The following CAST variants were observed in gnomAD, a reference collection of about 807,000 sequenced individuals.
CAST encodes the protein MIR583 host.
Under a neutral mutation model 119.6 loss-of-function variants are expected in CAST, and 76 were observed. The ratio of observed to expected loss-of-function variants is 0.64; its 90% CI spans 0.53 to 0.77. CAST has a LOEUF of 0.77. Among genes scored for constraint, CAST ranks in the 30% least tolerant of loss-of-function variants. The probability of loss-of-function intolerance (pLI) is 0.00; values close to 1 mark genes in which losing one functional copy is unlikely to be tolerated. For missense variants in CAST, 953 were observed against 946.5 expected (o/e 1.01, Z -0.09); for synonymous variants, 319 against 331.6 (o/e 0.96, Z 0.41).
chr5:95,995,752 CT>C, the CAST span, among the ~76,000 whole-genome samples: 1 of 151,966 alleles, frequency 6.6e-6, no homozygotes, highest in Admixed American at 6.6e-5. Flanking sequence ...ATATTAAATC[CT>C]TTTGGGGGTT....
At chr5:96,468,987 G>A in the CAST span, among the ~76,000 whole-genome samples, 1 of 151,896 alleles carries the variant, frequency 6.6e-6, no homozygotes, top group Non-Finnish European at 1.5e-5. Flanking sequence ...TTTTGTCCTG[G>A]CCCAGTTACT....
At chr5:96,687,399 T>C (rs192719673) in intron 2 of CAST, among the ~76,000 whole-genome samples, 1 of 152,388 alleles carries the variant, frequency 6.6e-6, no homozygotes, top group East Asian at 1.9e-4. Context: ...TCACATGTTA[T>C]AGATGTCTTG....
chr5:96,158,566 A>G, the CAST span, among the ~76,000 whole-genome samples: 1 of 152,212 alleles, frequency 6.6e-6, no homozygotes, highest in African/African-American at 2.4e-5. Flanking sequence ...CAAGAATCTT[A>G]TATTTATTTC....
chr5:96,715,611 C>T (rs569686362), intron 3 of CAST, among the ~76,000 whole-genome samples: 3 of 152,244 alleles, frequency 2.0e-5, no homozygotes, highest in African/African-American at 7.2e-5. Context: ...ATACATAGAG[C>T]ACCTGTCACA....
At chr5:96,413,963 CAAAAA>C in the CAST span, among the ~76,000 whole-genome samples, 1 of 22,436 alleles carries the variant, frequency 4.5e-5, no homozygotes, top group African/African-American at 9.6e-5. Flanking sequence ...ACTAAAAATA[CAAAAA>C]AAAAAAAAAA....
At position 96,622,879 on chromosome 5, in the gene CAST, T is replaced by TTG. The variant is rs1747645437; in HGVS notation, c.61-52659_61-52658insGT. On this transcript the variant is annotated intron_variant, in intron 1 of 11. Coordinates refer to the CAST transcript ENST00000505143. ...ACTCTTTTTTTTTTTTTTTTTTTTTTTTGAGACGGAGTCTCGCTCTGTCGC... is the reference window on the plus strand; with the variant it reads ...ACTCTTTTTTTTTTTTTTTTTTTTTTTGTTGAGACGGAGTCTCGCTCTGTCGC... Among the ~76,000 whole-genome samples the TTG allele has an allele frequency of 2.7e-5, 3 of 110,486 alleles. 1 individual carries two copies. The highest frequency in any genetic ancestry group is 5.7e-5 in the Non-Finnish European group (3 of 52,324). The allele number at this position is 110,486 out of a possible 152,430, so 72.5% of individuals were successfully genotyped here. A position where few individuals can be genotyped will look rare whatever the true frequency, so the allele number is the denominator to read the frequency against.
the CAST span, among the ~76,000 whole-genome samples, chr5:96,154,612 C>G: frequency 6.6e-6 from 1 of 152,174 alleles, no homozygotes; most frequent in African/African-American, 2.4e-5. Flanking sequence ...CCAGGATACC[C>G]CATTACATTT....
intron 1 of CAST, among the ~76,000 whole-genome samples, chr5:96,651,152 G>A (rs754431558): frequency 2.0e-5 from 3 of 151,906 alleles, no homozygotes; most frequent in Non-Finnish European, 4.4e-5. Flanking sequence ...CAGCCTCCCC[G>A]TCTCAATTAT....
Position 96,619,494 on chromosome 5 carries a change from C to A in CAST, c.61-56045C>A, listed in dbSNP as rs181169140. Among the ~76,000 whole-genome samples the A allele has an allele frequency of 5.6e-4, 86 of 152,312 alleles. No homozygotes were observed. The South Asian group carries it at 0.018, about 31-fold the overall frequency. On this transcript the variant is annotated intron_variant, in intron 1 of 11. Transcript: ENST00000505143. ...GATAAGGGAATAAAAGCAGGCTGCC[C>A]GAACTAGCAGCAGCAACCTGCTGGG...
At chr5:96,760,257 C>T (rs1293828821) in intron 24 of CAST, among the ~76,000 whole-genome samples, 1 of 151,746 alleles carries the variant, frequency 6.6e-6, no homozygotes, top group Admixed American at 6.6e-5. Flanking sequence ...AAATTATTTG[C>T]CATTATAAGT....
chr5:96,384,594 C>T, the CAST span, among the ~76,000 whole-genome samples: 1 of 152,184 alleles, frequency 6.6e-6, no homozygotes, highest in Non-Finnish European at 1.5e-5. Context: ...GGCACTGCAG[C>T]ATTTTCCACT....
chr5:96,442,811 G>T, the CAST span, among the ~76,000 whole-genome samples: 1 of 152,134 alleles, frequency 6.6e-6, no homozygotes, highest in Non-Finnish European at 1.5e-5. Flanking sequence ...TGTTGCTGCT[G>T]CTTCACTTTC....
At chr5:96,368,358 G>T in the CAST span, among the ~76,000 whole-genome samples, 1 of 151,888 alleles carries the variant, frequency 6.6e-6, no homozygotes, top group Admixed American at 6.5e-5. Context: ...AAATTAGCCG[G>T]GCATGGTGAC....
the CAST span, among the ~76,000 whole-genome samples, chr5:96,039,978 A>G: frequency 6.6e-6 from 1 of 152,146 alleles, no homozygotes; most frequent in Non-Finnish European, 1.5e-5. Context: ...GGCCATTTTC[A>G]TGATATTGAT....
the CAST span, among the ~76,000 whole-genome samples, chr5:96,028,006 A>T: frequency 2.6e-5 from 4 of 152,260 alleles, no homozygotes; most frequent in South Asian, 6.2e-4. Context: ...ATGTGAGAAT[A>T]TTGCTAGGAA....
chr5:96,000,199 G>A, the CAST span, among the ~76,000 whole-genome samples: 1 of 151,640 alleles, frequency 6.6e-6, no homozygotes, highest in Admixed American at 6.6e-5. Flanking sequence ...ACAGTCTATT[G>A]GTTGTCTTTT....
intron 17 of CAST, among the ~76,000 whole-genome samples, chr5:96,746,774 G>A (rs1294431979): frequency 1.3e-5 from 2 of 152,212 alleles, no homozygotes; most frequent in African/African-American, 4.8e-5. Context: ...GGTCTTCTGA[G>A]GGGTAGATAT....
chr5:96,358,391 C>G, the CAST span, among the ~76,000 whole-genome samples: 1 of 152,124 alleles, frequency 6.6e-6, no homozygotes, highest in African/African-American at 2.4e-5. Flanking sequence ...TTTGCTGGTT[C>G]TTGCTCCTTT....
At chr5:96,607,287 C>CA (rs1410668813) in intron 1 of CAST, among the ~76,000 whole-genome samples, 2 of 151,630 alleles carry the variant, frequency 1.3e-5, no homozygotes, top group African/African-American at 2.4e-5. Flanking sequence ...GACTCCGTCT[C>CA]AAAAAACAAA....
Sources: gnomAD v4.1 joint callset for allele counts (sites outside exome capture counted in the v4.1 genomes callset) on GRCh38, gnomAD v4.1.1 for gene constraint, MANE v1.5 for transcripts, NCBI Gene and HGNC (gene_info 2026-07-23, HGNC 2026-07-21) for gene names.